The following SNRPA1 variants were observed in gnomAD, a reference collection of about 807,000 sequenced individuals.
SNRPA1 encodes small nuclear ribonucleoprotein polypeptide A'.
A neutral mutation model predicts 32.3 loss-of-function variants in SNRPA1; 5 were observed. That is an observed-to-expected ratio of 0.15 (90% confidence interval 0.08 to 0.33). SNRPA1 has a LOEUF of 0.33. Ranked by LOEUF, SNRPA1 falls within the 10% of genes least tolerant of loss-of-function variation. The pLI is 1.00. For synonymous variants in SNRPA1, 111 were observed against 120.1 expected (o/e 0.92, Z 0.50); for missense variants, 198 against 311.1 (o/e 0.64, Z 2.74).
At chr15:101,282,533 G>T (rs1016492068) in intron 8 of SNRPA1, among the ~76,000 whole-genome samples, 1 of 152,198 alleles carries the variant, frequency 6.6e-6, no homozygotes, top group Non-Finnish European at 1.5e-5. Flanking sequence ...TTGACAAATG[G>T]TAGCTTCCTC....
intron 2 of SNRPA1, 167 bp downstream of exon 2, chr15:101,292,858 T>G: frequency 2.3e-6 from 1 of 429,034 alleles, no homozygotes; most frequent in Non-Finnish European, 4.1e-6. Context: ...GTATTGAATG[T>G]GGCTTCCATT....
Position 101,287,000 on chromosome 15 carries a change from T to G in SNRPA1, c.367A>C (p.Asn123His). ...KSLTYLSILR[N>H]PVTNKKHYRL... ...TAATGCTTCTTATTGGTTACCGGAT[T>G]TCTTAGGATACTACAAGAAAAGGAA... is the stretch of plus-strand genomic sequence containing the variant. The change falls in exon 5 of 9, where the codon AAT (asparagine) becomes CAT (histidine). Residue 123 changes from asparagine to histidine, a missense_variant. Asn to His is a moderately conservative substitution (Grantham distance 68). This residue lies in a region of SNRPA1 where 119 missense variants were observed against 171.6 expected (regional missense o/e 0.69). Coordinates refer to ENST00000254193, the MANE Select transcript of SNRPA1 (RefSeq NM_003090.4). The G allele has an allele frequency of 6.3e-7, 1 of 1,589,652 alleles. No individual in the cohort carries two copies. Among genetic ancestry groups the G allele is most frequent in the Non-Finnish European group, 8.6e-7 (1 of 1,158,884 alleles).
chr15:101,287,751 T>C (rs1187944955), intron 3 of SNRPA1, 49 bp from the exon 4 acceptor site: 4 of 1,547,990 alleles, frequency 2.6e-6, no homozygotes, highest in Non-Finnish European at 2.7e-6. Context: ...CACGCTATTT[T>C]GAGATTCTGA....
chr15:101,294,545 T>G (rs1596473732), intron 1 of SNRPA1, among the ~76,000 whole-genome samples: 1 of 152,132 alleles, frequency 6.6e-6, no homozygotes, highest in African/African-American at 2.4e-5. Flanking sequence ...CAAGCCTGGG[T>G]GACACAGTTC....
chr15:101,287,047 C>A, intron 4 of SNRPA1, 37 bp from the exon 5 acceptor site: 1 of 1,100,936 alleles, frequency 9.1e-7, no homozygotes, highest in South Asian at 1.3e-5. Flanking sequence ...CAAACTTGTT[C>A]ATGGCACAGC....
Position 101,286,879 on chromosome 15 carries a change from T to A in SNRPA1, c.459+29A>T, listed in dbSNP as rs1043164899. On this transcript the variant is annotated intron_variant, in intron 5 of 8. Coordinates refer to ENST00000254193, the MANE Select transcript of SNRPA1 (RefSeq NM_003090.4). ...TAAAGAAAAACACACAACTCTATAA[T>A]GGCTCACAAGCAACAGATTACTACT... is the stretch of plus-strand genomic sequence containing the variant. 4 of 1,146,950 alleles carry A rather than the reference T, an allele frequency of 3.5e-6. No individual in the cohort carries two copies. The African/African-American group carries it at 6.1e-5, about 18-fold the overall frequency. The allele number at this position is 1,146,950 out of a possible 1,614,324, so 71.0% of individuals were successfully genotyped here.
At chr15:101,287,063 A>T in intron 4 of SNRPA1, 53 bp from the exon 5 acceptor site, 3 of 934,694 alleles carry the variant, frequency 3.2e-6, no homozygotes, top group Non-Finnish European at 5.2e-6. Context: ...ACAGCACTCA[A>T]GAGGTCTGTT....
In SNRPA1 at chr15:101,287,681, A is replaced by T; in HGVS notation, c.331T>A (p.Ser111Thr). The T allele has an allele frequency of 6.2e-7, 1 of 1,613,994 alleles. No homozygotes were observed. Among genetic ancestry groups the T allele is most frequent in the Non-Finnish European group, 8.5e-7 (1 of 1,179,880 alleles). The change falls in exon 4 of 9, where the codon TCT becomes ACT. Residue 111 changes from serine to threonine, a missense_variant. Around this residue, in one of 3 missense-constraint regions of SNRPA1, gnomAD observed 119 missense variants for 171.6 expected, o/e 0.69. Coordinates refer to ENST00000254193, the MANE Select transcript of SNRPA1 (RefSeq NM_003090.4). ...VELGDLDPLA[S>T]LKSLTYLSIL... The stretch of plus-strand genomic sequence containing the variant: ...CTTAGGTAAGTCAGCGATTTGAGAG[A>T]TGCCAGAGGGTCCAGATCACCCTGT...
chr15:101,287,602 A>C lies in SNRPA1; in HGVS notation c.356+54T>G, dbSNP rs947579982. On this transcript the variant is annotated intron_variant, in intron 4 of 8. Transcript: ENST00000254193. Reference sequence around the variant, plus strand: ...GATTACATTAAGGTCAAGGCTGGTAAAAGTAATGTTATTTTAAAGGGCTTC... The same window carrying C: ...GATTACATTAAGGTCAAGGCTGGTACAAGTAATGTTATTTTAAAGGGCTTC... 6.8e-6 allele frequency: 10 copies of C among 1,464,872 alleles called. No homozygotes were observed. In the East Asian group the frequency reaches 9.1e-5, roughly 13 times the overall value. The allele number at this position is 1,464,872 out of a possible 1,614,324, so 90.7% of individuals were successfully genotyped here. A position where few individuals can be genotyped will look rare whatever the true frequency, so the allele number is the denominator to read the frequency against.
In SNRPA1 at chr15:101,287,535, T is replaced by A. The variant is rs1567125117; in HGVS notation, c.356+121A>T. On this transcript the variant is annotated intron_variant, in intron 4 of 8. Coordinates refer to ENST00000254193, the MANE Select transcript of SNRPA1 (RefSeq NM_003090.4). Reference sequence around the variant, plus strand: ...GAACTCATCCTTTTTTATGGCTGCATAGTATTCCATGGTGCATATGTGCCA... The same window carrying A: ...GAACTCATCCTTTTTTATGGCTGCAAAGTATTCCATGGTGCATATGTGCCA... The A allele has an allele frequency of 6.6e-6, 5 of 762,276 alleles. No individual in the cohort carries two copies. In the Admixed American group the frequency reaches 1.0e-4, roughly 16 times the overall value. 47.2% of individuals were successfully genotyped at this position (762,276 alleles called of 1,614,324 possible). A position where few individuals can be genotyped will look rare whatever the true frequency, so the allele number is the denominator to read the frequency against.
At position 101,295,200 on chromosome 15, in the gene SNRPA1, G is replaced by A. The variant is rs775275798; in HGVS notation, c.-22C>T. 9.9e-6 allele frequency: 15 copies of A among 1,520,602 alleles called. No individual in the cohort carries two copies. The highest frequency in any genetic ancestry group is 2.8e-5 in the East Asian group (1 of 36,232). 94.2% of individuals were successfully genotyped at this position (1,520,602 alleles called of 1,614,324 possible). On this transcript the variant is annotated 5_prime_UTR_variant, in exon 1 of 9. Transcript: ENST00000254193. ...CCATCCTGCAGCCTCCCGTTCCCCCGCGCTGTGGAAAGCCCGTGGCCTCCC... is the reference window on the plus strand; with the variant it reads ...CCATCCTGCAGCCTCCCGTTCCCCCACGCTGTGGAAAGCCCGTGGCCTCCC...
At chr15:101,287,294 C>T (rs575534870) in intron 4 of SNRPA1, among the ~76,000 whole-genome samples, 1 of 152,240 alleles carries the variant, frequency 6.6e-6, no homozygotes, top group African/African-American at 2.4e-5. Flanking sequence ...ATTAACTTGT[C>T]ATTTACATTA....
chr15:101,287,069 C>A, intron 4 of SNRPA1, 59 bp from the exon 5 acceptor site: 1 of 850,424 alleles, frequency 1.2e-6, no homozygotes, highest in South Asian at 1.4e-5. Flanking sequence ...CTCAAGAGGT[C>A]TGTTTGAATA....
intron 3 of SNRPA1, among the ~76,000 whole-genome samples, chr15:101,290,991 C>T (rs1480964791): frequency 3.9e-5 from 6 of 152,050 alleles, no homozygotes; most frequent in African/African-American, 9.7e-5. Context: ...CCACCCGCCT[C>T]GGCCTCCCAA....
In SNRPA1 at chr15:101,293,008, C is replaced by T. The variant is rs1409724096; in HGVS notation, c.230+17G>A. On this transcript the variant is annotated intron_variant, in intron 2 of 8. Coordinates refer to ENST00000254193, the MANE Select transcript of SNRPA1 (RefSeq NM_003090.4). Reference sequence around the variant, plus strand: ...TTACTCTAGGGGAAAAAATTACTTTCCCCTACAGACACGTACCATATTCTG... The same window carrying T: ...TTACTCTAGGGGAAAAAATTACTTTTCCCTACAGACACGTACCATATTCTG... 1.9e-6 allele frequency: 3 copies of T among 1,567,836 alleles called. No individual in the cohort carries two copies. The highest frequency in any genetic ancestry group is 2.3e-5 in the East Asian group (1 of 43,550).
At chr15:101,293,215 T>G in intron 1 of SNRPA1, 43 bp from the exon 2 acceptor site, 2 of 1,382,438 alleles carry the variant, frequency 1.4e-6, no homozygotes, top group Non-Finnish European at 1.0e-6. Flanking sequence ...TTAATATAAC[T>G]AAACAGTTGC....
chr15:101,285,866 C>T, intron 6 of SNRPA1, 65 bp from the exon 7 acceptor site: 4 of 1,290,880 alleles, frequency 3.1e-6, no homozygotes, highest in Non-Finnish European at 4.5e-6. Context: ...CTTTTACTTT[C>T]AAAAGCTTTT....
chr15:101,292,950 G>A (rs534898006), intron 2 of SNRPA1, 75 bp downstream of exon 2: 2 of 947,928 alleles, frequency 2.1e-6, no homozygotes, highest in East Asian at 2.8e-5. Flanking sequence ...CCAGTAGCAC[G>A]TGCTACAACT....
At position 101,287,743 on chromosome 15, in the gene SNRPA1, C is replaced by A. The variant is rs28461197; in HGVS notation, c.310-41G>T. 778 of 1,582,646 alleles carry A rather than the reference C, an allele frequency of 4.9e-4. 1 individual carries two copies. Among genetic ancestry groups the A allele is most frequent in the Non-Finnish European group, 6.5e-4 (752 of 1,152,484 alleles). On this transcript the variant is annotated intron_variant, in intron 3 of 8. Transcript: ENST00000254193. ...CACAGGTAAGAACGCGAATACCACA[C>A]GCTATTTTGAGATTCTGAAATGGAG...
Sources: allele counts gnomAD v4.1 joint callset (sites outside exome capture counted in the v4.1 genomes callset), GRCh38; gene constraint gnomAD v4.1.1; regional missense constraint gnomAD v4.1.1; transcripts MANE v1.5; gene names NCBI Gene and HGNC (gene_info 2026-07-23, HGNC 2026-07-21).